ARAP2: variants seen among roughly 807,000 people sequenced by gnomAD.
ARAP2 encodes the protein ArfGAP with RhoGAP domain, ankyrin repeat and PH domain 2, also known as arf-GAP with Rho-GAP domain, ANK repeat and PH domain-containing protein 2.
A neutral mutation model predicts 194.5 loss-of-function variants in ARAP2; 148 were observed. That is an observed-to-expected ratio of 0.76 (90% CI 0.67 to 0.87). The LOEUF (loss-of-function observed/expected upper bound fraction) is 0.87, where lower values mean the gene tolerates loss of function less well. Among genes scored for constraint, ARAP2 ranks in the 40% least tolerant of loss-of-function variants. ARAP2 has a pLI of 0.00. For synonymous variants in ARAP2, 695 were observed against 683.5 expected (o/e 1.02, Z -0.26); for missense variants, 2,128 against 1,989.7 (o/e 1.07, Z -1.32).
At chr4:36,014,364 AAGAAAGAAAGAAAGAAAG>A (rs1715375537) in intron 8 of ARAP2, among the ~76,000 whole-genome samples, 1 of 141,074 alleles carries the variant, frequency 7.1e-6, no homozygotes, top group Admixed American at 6.7e-5. Context: ...GAAAGAAAGA[AAGAAAGAAAGAAAGAAAG>A]AAAATGTAAG....
At chr4:36,116,882 T>C (rs1420502895) in intron 25 of ARAP2, among the ~76,000 whole-genome samples, 179 bp downstream of exon 25, 2 of 151,752 alleles carry the variant, frequency 1.3e-5, no homozygotes. Flanking sequence ...AGATGTTCTC[T>C]TTCCAAACGA....
chr4:36,118,864 T>C (rs1360666064), intron 24 of ARAP2, among the ~76,000 whole-genome samples: 2 of 151,478 alleles, frequency 1.3e-5, no homozygotes, highest in African/African-American at 2.4e-5. Flanking sequence ...TTTCTTTATA[T>C]GGAATGACAG....
chr4:36,210,531 T>C lies in ARAP2; in HGVS notation c.1346A>G (p.His449Arg). 6.2e-7 allele frequency: 1 copy of C among 1,613,936 alleles called. No homozygotes were observed. Among genetic ancestry groups the C allele is most frequent in the Non-Finnish European group, 8.5e-7 (1 of 1,179,872 alleles). The change falls in exon 6 of 33, where the codon CAC (histidine) becomes CGC (arginine). Residue 449 changes from histidine to arginine, a missense_variant. Transcript: ENST00000303965. ...KALILDSVNR[H>R]SYPLSSTSGN... ...ACTTGTTGAGCTTAACGGATAACTG[T>C]GCCTATTAACGGAGTCCAAAATCAA... is the stretch of plus-strand genomic sequence containing the variant.
intron 8 of ARAP2, among the ~76,000 whole-genome samples, chr4:36,184,277 AT>A (rs1560613580): frequency 9.4e-4 from 1 of 1,066 alleles, no homozygotes; most frequent in Admixed American, 5.6e-3. Flanking sequence ...ATGCATAAAC[AT>A]ATATATATAT....
chr4:36,209,102 G>A (rs926903213), intron 6 of ARAP2, among the ~76,000 whole-genome samples: 3 of 152,038 alleles, frequency 2.0e-5, no homozygotes. Context: ...AACCACAGCC[G>A]CTGGGGGCTT....
intron 1 of ARAP2, among the ~76,000 whole-genome samples, chr4:36,234,738 A>G (rs1752141357): frequency 6.6e-6 from 1 of 152,242 alleles, no homozygotes; most frequent in Admixed American, 6.5e-5. Context: ...CACAGCACTT[A>G]TAACAACAAC....
chr4:36,132,885 G>A (rs1725764239), intron 20 of ARAP2, among the ~76,000 whole-genome samples: 2 of 151,628 alleles, frequency 1.3e-5, no homozygotes, highest in Non-Finnish European at 2.9e-5. Flanking sequence ...ATCTAGCCTT[G>A]TAATCTCTGA....
chr4:36,112,536 C>G (rs1169633829), intron 26 of ARAP2, among the ~76,000 whole-genome samples: 1 of 151,804 alleles, frequency 6.6e-6, no homozygotes, highest in Non-Finnish European at 1.5e-5. Context: ...TATAACAAAG[C>G]TGGTAACCAA....
intron 27 of ARAP2, among the ~76,000 whole-genome samples, chr4:36,096,170 C>A (rs1560420107): frequency 6.6e-6 from 1 of 151,782 alleles, no homozygotes; most frequent in Non-Finnish European, 1.5e-5. Context: ...TTGAGACCAG[C>A]CTGGCTAACA....
At chr4:36,125,095 T>A in intron 21 of ARAP2, 128 bp from the exon 22 acceptor site, 1 of 566,932 alleles carries the variant, frequency 1.8e-6, no homozygotes, top group East Asian at 2.9e-5. Context: ...CAGGTTTCAG[T>A]AGACAATCGT....
intron 9 of ARAP2, among the ~76,000 whole-genome samples, chr4:36,173,963 C>A (rs113944785): frequency 0.01 from 1,565 of 152,144 alleles, 11 homozygotes; most frequent in Non-Finnish European, 0.014. Context: ...CAATAATAAT[C>A]ATCATCATCA....
chr4:36,043,205 C>CT (rs2109231008), intron 5 of ARAP2, among the ~76,000 whole-genome samples: 1 of 152,274 alleles, frequency 6.6e-6, no homozygotes, highest in African/African-American at 2.4e-5. Context: ...GCTTTACAGT[C>CT]TAATCATACC....
chr4:36,028,683 T>C (rs1179898023), intron 5 of ARAP2, among the ~76,000 whole-genome samples: 2 of 152,018 alleles, frequency 1.3e-5, no homozygotes, highest in African/African-American at 4.8e-5. Context: ...ACTAATCCTG[T>C]ACTTACACTT....
At chr4:36,068,773 C>T (rs1054788196) in intron 32 of ARAP2, among the ~76,000 whole-genome samples, 4 of 152,186 alleles carry the variant, frequency 2.6e-5, no homozygotes, top group Admixed American at 1.3e-4. Context: ...GGCTAAGCTA[C>T]AACATTCCAT....
chr4:36,071,681 A>C (rs1414125122), intron 32 of ARAP2, among the ~76,000 whole-genome samples: 1 of 105,624 alleles, frequency 9.5e-6, no homozygotes, highest in Admixed American at 1.1e-4. Context: ...TTTTTTTTTG[A>C]GTTTTTTTTT....
intron 2 of ARAP2, among the ~76,000 whole-genome samples, chr4:36,220,228 C>T (rs893408114): frequency 4.0e-5 from 6 of 149,556 alleles, no homozygotes; most frequent in African/African-American, 9.8e-5. Context: ...TATAGGCACA[C>T]GTGTGTGTGT....
intron 2 of ARAP2, among the ~76,000 whole-genome samples, chr4:36,052,526 T>C (rs1274634670): frequency 1.3e-5 from 2 of 152,252 alleles, no homozygotes; most frequent in East Asian, 3.8e-4. Context: ...GACATAAAAA[T>C]TGCTAAGAGA....
intron 11 of ARAP2, among the ~76,000 whole-genome samples, chr4:36,162,224 G>C (rs1157309815): frequency 6.6e-6 from 1 of 151,902 alleles, no homozygotes; most frequent in Non-Finnish European, 1.5e-5. Context: ...GCTAGAAATA[G>C]GCCACTGAAA....
At chr4:36,234,903 G>C (rs1752169133) in intron 1 of ARAP2, among the ~76,000 whole-genome samples, 1 of 152,160 alleles carries the variant, frequency 6.6e-6, no homozygotes, top group Non-Finnish European at 1.5e-5. Flanking sequence ...TACATGTTTA[G>C]AGAATGTATA....
Sources: gnomAD v4.1 joint callset for allele counts (sites outside exome capture counted in the v4.1 genomes callset) on GRCh38, gnomAD v4.1.1 for gene constraint, MANE v1.5 for transcripts, NCBI Gene and HGNC (gene_info 2026-07-23, HGNC 2026-07-21) for gene names.